WWOX: variants seen among roughly 807,000 people sequenced by gnomAD.
The protein encoded by WWOX is WW domain containing oxidoreductase, also known as WW domain-containing oxidoreductase.
In WWOX, 69 loss-of-function variants were observed where a neutral mutation model predicts 46.2. The observed-to-expected ratio is 1.49, with a 90% confidence interval of 1.23 to 1.82. WWOX has a LOEUF of 1.82. Ranked by LOEUF, WWOX falls within the 40% of genes most tolerant of loss-of-function variation. The pLI, the probability that WWOX is intolerant of heterozygous loss-of-function variation, is 0.00. For missense variants in WWOX, 919 were observed against 542.6 expected, an observed-to-expected ratio of 1.69 and a Z score of -6.89; for synonymous variants, 359 against 202.6, an observed-to-expected ratio of 1.77 and a Z score of -6.56.
chr16:78,608,273 G>C (rs1016007151), intron 8 of WWOX, among the ~76,000 whole-genome samples: 2 of 152,176 alleles, frequency 1.3e-5, no homozygotes, highest in Non-Finnish European at 2.9e-5. Flanking sequence ...ACAGTCATGA[G>C]GTTCAGCTTA....
chr16:78,702,007 T>TTACATATATATA (rs1491150899), intron 8 of WWOX, among the ~76,000 whole-genome samples: 11 of 57,626 alleles, frequency 1.9e-4, no homozygotes, highest in South Asian at 7.5e-4. Context: ...CTACATAAAA[T>TTACATATATATA]TATATATATA....
At chr16:78,175,810 G>A (rs1248153515) in intron 5 of WWOX, among the ~76,000 whole-genome samples, 4 of 152,164 alleles carry the variant, frequency 2.6e-5, no homozygotes, top group Non-Finnish European at 4.4e-5. Flanking sequence ...GTGATGTAGC[G>A]GTAGATAACT....
intron 5 of WWOX, among the ~76,000 whole-genome samples, chr16:78,252,721 A>G (rs2038017501): frequency 6.6e-6 from 1 of 152,218 alleles, no homozygotes; most frequent in Non-Finnish European, 1.5e-5. Context: ...ATATACCTCT[A>G]GATAACACAA....
At chr16:79,006,397 G>T (rs1445515567) in intron 8 of WWOX, among the ~76,000 whole-genome samples, 3 of 152,150 alleles carry the variant, frequency 2.0e-5, no homozygotes, top group African/African-American at 4.8e-5. Flanking sequence ...CTGGGGAGGG[G>T]CATGGGGTTA....
chr16:78,643,581 G>T (rs2046771864), intron 8 of WWOX, among the ~76,000 whole-genome samples: 1 of 152,142 alleles, frequency 6.6e-6, no homozygotes, highest in African/African-American at 2.4e-5. Flanking sequence ...CCCCCTGTAG[G>T]AGAGGGAGGT....
intron 8 of WWOX, among the ~76,000 whole-genome samples, chr16:78,847,228 T>A (rs1001792908): frequency 6.6e-5 from 10 of 152,172 alleles, no homozygotes; most frequent in Admixed American, 4.6e-4. Context: ...ACTGCTGGAG[T>A]GTCATTGCTT....
chr16:79,090,775 C>T (rs918537868), intron 8 of WWOX, among the ~76,000 whole-genome samples: 1 of 152,116 alleles, frequency 6.6e-6, no homozygotes, highest in South Asian at 2.1e-4. Flanking sequence ...CTTGGCCATG[C>T]CCTGCCTTGT....
intron 8 of WWOX, among the ~76,000 whole-genome samples, chr16:78,966,239 G>C (rs2046361040): frequency 1.3e-5 from 2 of 152,150 alleles, no homozygotes; most frequent in African/African-American, 4.8e-5. Context: ...TGGTTTAAGA[G>C]GCTATAGGTT....
chr16:78,664,257 C>T (rs556003932), intron 8 of WWOX, among the ~76,000 whole-genome samples: 21 of 152,218 alleles, frequency 1.4e-4, no homozygotes, highest in African/African-American at 4.8e-4. Context: ...TTCGTGTCTC[C>T]CTCCCACTGG....
chr16:78,219,251 C>T (rs1408106333), intron 5 of WWOX, among the ~76,000 whole-genome samples: 2 of 151,834 alleles, frequency 1.3e-5, no homozygotes, highest in African/African-American at 2.4e-5. Flanking sequence ...TAGATTACTC[C>T]AAGGAAGTTA....
intron 8 of WWOX, among the ~76,000 whole-genome samples, chr16:78,753,770 C>G (rs575871894): frequency 1.0e-4 from 12 of 120,320 alleles, no homozygotes; most frequent in African/African-American, 2.0e-4. Flanking sequence ...CCACTGCAGT[C>G]AAGCCTGGGT....
rs76247870 is a variant in WWOX at position 78,961,791 on chromosome 16, A to G, written c.1057-249817A>G. ...TTTTAAACAAGTACCTCAGGTTATC[A>G]TAGTAGTCTTGCTGTCCTGAATCTT... On this transcript the variant is annotated intron_variant, in intron 8 of 8. Coordinates refer to ENST00000566780, the MANE Select transcript of WWOX (RefSeq NM_016373.4). Among the ~76,000 whole-genome samples, 490 of 152,298 alleles carry G rather than the reference A, an allele frequency of 3.2e-3. 3 individuals carry two copies. The highest frequency in any genetic ancestry group is 0.011 in the African/African-American group (475 of 41,564).
chr16:79,122,362 C>T (rs1267104038), intron 8 of WWOX, among the ~76,000 whole-genome samples: 2 of 152,180 alleles, frequency 1.3e-5, no homozygotes, highest in Non-Finnish European at 2.9e-5. Flanking sequence ...AACAATAGCG[C>T]TTCTAAAAGC....
chr16:78,220,196 T>C (rs755589122), intron 5 of WWOX, among the ~76,000 whole-genome samples: 13 of 152,206 alleles, frequency 8.5e-5, no homozygotes, highest in African/African-American at 1.4e-4. Flanking sequence ...TTTCTTGAGT[T>C]GGAAATTGCG....
intron 8 of WWOX, among the ~76,000 whole-genome samples, chr16:79,046,082 A>G (rs1375958440): frequency 1.3e-5 from 2 of 152,120 alleles, no homozygotes; most frequent in East Asian, 3.9e-4. Context: ...AATTACAGGC[A>G]TAAGCCACTG....
chr16:79,034,469 C>G (rs1388767130), intron 8 of WWOX, among the ~76,000 whole-genome samples: 1 of 152,204 alleles, frequency 6.6e-6, no homozygotes, highest in Non-Finnish European at 1.5e-5. Flanking sequence ...TAAACAGCTG[C>G]ATCTTTTGGG....
At position 78,432,735 on chromosome 16, in the gene WWOX, C is replaced by T. The variant is rs200699154; in HGVS notation, c.1039C>T (p.Pro347Ser). Residue 347 changes from proline to serine, a missense_variant, in exon 8 of 9, where the codon CCT becomes TCT. Transcript: ENST00000566780. ...CACACTGCTGTTTACCTTGGCGAGGCCTTTCACCAAGTCCATGGTAAGAGA... is the reference window on the plus strand; with the variant it reads ...CACACTGCTGTTTACCTTGGCGAGGTCTTTCACCAAGTCCATGGTAAGAGA... The part of the protein sequence containing the change: ...VYTLLFTLAR[P>S]FTKSMQQGAA... 5.0e-6 allele frequency: 8 copies of T among 1,614,172 alleles called. No homozygotes were observed. In the East Asian group the frequency reaches 6.7e-5, roughly 13 times the overall value.
intron 5 of WWOX, among the ~76,000 whole-genome samples, chr16:78,341,266 A>C (rs1470082300): frequency 1.7e-5 from 2 of 119,556 alleles, no homozygotes; most frequent in Non-Finnish European, 4.0e-5. Context: ...TGGCCTCCCA[A>C]ACTGCTGGGA....
chr16:78,213,946 C>T (rs1286334263), intron 5 of WWOX, among the ~76,000 whole-genome samples: 4 of 152,116 alleles, frequency 2.6e-5, no homozygotes, highest in African/African-American at 9.7e-5. Flanking sequence ...CACGCTGTGG[C>T]CCGCGCCTCC....
Sources: allele counts gnomAD v4.1 joint callset (sites outside exome capture counted in the v4.1 genomes callset), GRCh38; gene constraint gnomAD v4.1.1; transcripts MANE v1.5; gene names NCBI Gene and HGNC (gene_info 2026-07-23, HGNC 2026-07-21).